EYS: variants seen among roughly 807,000 people sequenced by gnomAD.
The protein encoded by EYS is protein eyes shut homolog.
A neutral mutation model predicts 282.1 loss-of-function variants in EYS; 250 were observed. The ratio of observed to expected loss-of-function variants is 0.89; its 90% CI spans 0.80 to 0.98. The LOEUF (loss-of-function observed/expected upper bound fraction) is 0.98. EYS is among the 50% of genes least tolerant of loss of function. The pLI is 0.00. For missense variants in EYS, 4,016 were observed against 3,709.0 expected (o/e 1.08, Z -2.15); for synonymous variants, 1,355 against 1,282.9 (o/e 1.06, Z -1.20).
intron 35 of EYS, among the ~76,000 whole-genome samples, chr6:63,926,980 T>G (rs191341692): frequency 1.3e-5 from 2 of 152,348 alleles, no homozygotes; most frequent in Admixed American, 1.3e-4. Flanking sequence ...TTAGCTCACT[T>G]GATTTCACAA....
intron 30 of EYS, among the ~76,000 whole-genome samples, chr6:64,306,022 A>T (rs1291836104): frequency 6.6e-6 from 1 of 152,204 alleles, no homozygotes; most frequent in African/African-American, 2.4e-5. Flanking sequence ...AACTCCTAAG[A>T]CTAAACAACA....
intron 35 of EYS, among the ~76,000 whole-genome samples, chr6:63,879,302 A>G (rs1581926480): frequency 6.6e-6 from 1 of 152,210 alleles, no homozygotes. Context: ...GGAATAAGTT[A>G]TCAATATAAC....
chr6:63,779,422 C>A (rs1438442944), intron 39 of EYS: 1 of 150,836 alleles, frequency 6.6e-6, no homozygotes, highest in Non-Finnish European at 1.5e-5. Context: ...CCACTGCACT[C>A]CAGCCTGGGC....
intron 5 of EYS, among the ~76,000 whole-genome samples, chr6:65,484,949 T>A (rs1182295624): frequency 6.6e-6 from 1 of 152,188 alleles, no homozygotes; most frequent in African/African-American, 2.4e-5. Context: ...CAGAGTTGAA[T>A]CATTGTGATA....
rs1773186797 is a variant in EYS at position 63,883,517 on chromosome 6, G to T, written c.7056-19159C>A. On this transcript the variant is annotated intron_variant, in intron 35 of 42. Transcript: ENST00000503581. ...AGCAGATAATTGCTTCTGCCTTTAG[G>T]TGAACACTTCTTGCAGATAATCTGT... 2.0e-5 allele frequency among the ~76,000 whole-genome samples: 3 copies of T among 152,168 alleles called. No homozygotes were observed. The South Asian group carries it at 6.2e-4, about 31-fold the overall frequency.
intron 12 of EYS, among the ~76,000 whole-genome samples, chr6:65,215,397 T>A (rs978792765): frequency 3.3e-5 from 5 of 152,140 alleles, no homozygotes; most frequent in African/African-American, 1.2e-4. Context: ...GAACTAGAAT[T>A]AGAAGAAGGG....
intron 36 of EYS, 64 bp downstream of exon 36, chr6:63,864,122 G>A (rs1772613435): frequency 7.4e-7 from 1 of 1,348,854 alleles, no homozygotes; most frequent in Non-Finnish European, 9.8e-7. Flanking sequence ...ATTCATCTGA[G>A]TGATTTCTAT....
At chr6:64,215,287 G>A (rs543322635) in intron 31 of EYS, among the ~76,000 whole-genome samples, 2 of 152,078 alleles carry the variant, frequency 1.3e-5, no homozygotes, top group South Asian at 2.1e-4. Flanking sequence ...TGATAACCAT[G>A]AGGAAGCTTC....
chr6:65,634,838 C>T (rs1399489292), intron 2 of EYS, among the ~76,000 whole-genome samples: 1 of 152,198 alleles, frequency 6.6e-6, no homozygotes, highest in Non-Finnish European at 1.5e-5. Flanking sequence ...TGTCAGATTG[C>T]CAGTGCCTTC....
At chr6:64,336,803 G>A (rs549893665) in intron 29 of EYS, among the ~76,000 whole-genome samples, 3 of 152,092 alleles carry the variant, frequency 2.0e-5, no homozygotes, top group Non-Finnish European at 4.4e-5. Flanking sequence ...AATAAAACTG[G>A]AAATGAACTC....
At chr6:64,125,405 T>A (rs1177965940) in intron 31 of EYS, among the ~76,000 whole-genome samples, 2 of 124,190 alleles carry the variant, frequency 1.6e-5, no homozygotes, top group Non-Finnish European at 3.2e-5. Flanking sequence ...AAAGGAGCAC[T>A]TTTTTTTTTT....
chr6:65,016,890 G>A (rs182684827), intron 13 of EYS, among the ~76,000 whole-genome samples: 3 of 152,250 alleles, frequency 2.0e-5, no homozygotes, highest in African/African-American at 7.2e-5. Context: ...AGCTAACACT[G>A]TATATCCTTA....
At chr6:65,627,054 CTT>C (rs1485907592) in intron 2 of EYS, among the ~76,000 whole-genome samples, 2 of 151,750 alleles carry the variant, frequency 1.3e-5, no homozygotes, top group African/African-American at 2.4e-5. Flanking sequence ...TCTTTCATCT[CTT>C]TCCTTTCCCA....
chr6:64,595,150 A>G (rs1189296468), intron 24 of EYS, among the ~76,000 whole-genome samples: 1 of 152,244 alleles, frequency 6.6e-6, no homozygotes, highest in Non-Finnish European at 1.5e-5. Context: ...ATGTAAATCA[A>G]TAAATGTGAC....
chr6:64,009,755 A>G (rs553636738), intron 33 of EYS, among the ~76,000 whole-genome samples: 1 of 152,194 alleles, frequency 6.6e-6, no homozygotes, highest in African/African-American at 2.4e-5. Context: ...CTGATTAAGT[A>G]CCATTGCTGG....
intron 35 of EYS, among the ~76,000 whole-genome samples, chr6:63,894,684 C>T (rs563623228): frequency 1.1e-3 from 160 of 151,976 alleles, no homozygotes; most frequent in African/African-American, 3.8e-3. Context: ...TGGGTTCAAG[C>T]GATTCCCCTG....
intron 26 of EYS, among the ~76,000 whole-genome samples, chr6:64,477,653 T>C (rs1203543940): frequency 2.9e-4 from 44 of 152,098 alleles, no homozygotes; most frequent in Admixed American, 2.7e-3. Context: ...TCCATACTTT[T>C]CACTAGAAAT....
chr6:63,814,789 A>G (rs556024819), intron 36 of EYS, among the ~76,000 whole-genome samples: 6 of 152,340 alleles, frequency 3.9e-5, no homozygotes, highest in African/African-American at 1.4e-4. Context: ...TAATCATAGT[A>G]TCTGCAATAC....
At chr6:64,038,951 C>T (rs1464564207) in intron 33 of EYS, among the ~76,000 whole-genome samples, 1 of 152,034 alleles carries the variant, frequency 6.6e-6, no homozygotes, top group Admixed American at 6.6e-5. Flanking sequence ...ACCACAGGTC[C>T]CTACAACCGT....
Sources: allele counts gnomAD v4.1 joint callset (sites outside exome capture counted in the v4.1 genomes callset), GRCh38; gene constraint gnomAD v4.1.1; transcripts MANE v1.5; gene names NCBI Gene and HGNC (gene_info 2026-07-23, HGNC 2026-07-21).